Variants in CERT1 observed in about 807,000 individuals in gnomAD.
The protein encoded by CERT1 is ceramide transfer protein.
In CERT1, 31 loss-of-function variants were observed where a neutral mutation model predicts 87.9. That is an observed-to-expected ratio of 0.35 (90% CI 0.27 to 0.48). CERT1 has a LOEUF of 0.48. Ranked by LOEUF, CERT1 falls within the 20% of genes least tolerant of loss-of-function variation. The probability of loss-of-function intolerance (pLI) is 0.99; values close to 1 mark genes in which losing one functional copy is unlikely to be tolerated. For missense variants in CERT1, 487 were observed against 758.0 expected (o/e 0.64, Z 4.20); for synonymous variants, 289 against 250.9 (o/e 1.15, Z -1.44).
intron 15 of CERT1, among the ~76,000 whole-genome samples, chr5:75,381,733 G>A (rs1367515829): frequency 6.6e-6 from 1 of 151,992 alleles, no homozygotes; most frequent in Non-Finnish European, 1.5e-5. Flanking sequence ...AACATTAGAA[G>A]GAAAGGTAAA....
Position 75,377,793 on chromosome 5 carries a change from G to C in CERT1, c.*1553C>G. On this transcript the variant is annotated 3_prime_UTR_variant, in exon 17 of 17. Coordinates refer to ENST00000643780, the MANE Select transcript of CERT1 (RefSeq NM_001379029.1). ...TACTGTATAACTTTTTCATACTTTT[G>C]ACTTTATTTATTTATTTTTTGACAG... 6.6e-6 allele frequency: 1 copy of C among 152,184 alleles called. No homozygotes were observed. The highest frequency in any genetic ancestry group is 1.5e-5 in the Non-Finnish European group (1 of 67,994). The allele number at this position is 152,184 out of a possible 1,614,324, so 9.4% of individuals were successfully genotyped here. A position where few individuals can be genotyped will look rare whatever the true frequency, so the allele number is the denominator to read the frequency against.
intron 11 of CERT1, among the ~76,000 whole-genome samples, chr5:75,394,317 A>G (rs1040465585): frequency 6.6e-6 from 1 of 151,956 alleles, no homozygotes; most frequent in African/African-American, 2.4e-5. Context: ...AGACCAGCCT[A>G]GGCAACACAG....
intron 8 of CERT1, among the ~76,000 whole-genome samples, chr5:75,403,860 T>A (rs927534297): frequency 6.6e-6 from 1 of 152,202 alleles, no homozygotes. Context: ...TTCCCTCAAG[T>A]GATTCCCATG....
chr5:75,446,578 T>C (rs1463039643), intron 3 of CERT1, among the ~76,000 whole-genome samples: 2 of 152,238 alleles, frequency 1.3e-5, no homozygotes, highest in Non-Finnish European at 2.9e-5. Flanking sequence ...TTGTGTTTTT[T>C]TGTTGAAAAC....
chr5:75,435,140 A>C (rs956990817), intron 3 of CERT1, among the ~76,000 whole-genome samples: 9 of 152,262 alleles, frequency 5.9e-5, no homozygotes, highest in Admixed American at 3.9e-4. Flanking sequence ...TTAAAATTCT[A>C]TCTCTTTTAT....
intron 3 of CERT1, among the ~76,000 whole-genome samples, chr5:75,448,649 G>A (rs1049962753): frequency 3.3e-5 from 5 of 152,116 alleles, no homozygotes; most frequent in Admixed American, 6.6e-5. Flanking sequence ...ATATGTATAA[G>A]CCATGTCTCC....
rs371200608 is a variant in CERT1 at position 75,409,687 on chromosome 5, C to T, written c.930+1324G>A. 1.4e-3 allele frequency among the ~76,000 whole-genome samples: 207 copies of T among 152,094 alleles called. 1 individual carries two copies. Among genetic ancestry groups the T allele is most frequent in the African/African-American group, 4.8e-3 (200 of 41,492 alleles). On this transcript the variant is annotated intron_variant, in intron 8 of 16. Coordinates refer to ENST00000643780, the MANE Select transcript of CERT1 (RefSeq NM_001379029.1). ...GACAACAGGCACTCACAACCACGCC[C>T]GGCTAATTTTTGCATTTTTTTAGTA...
intron 3 of CERT1, among the ~76,000 whole-genome samples, chr5:75,434,226 C>A (rs1193397362): frequency 9.5e-5 from 12 of 126,972 alleles, no homozygotes; most frequent in Admixed American, 8.5e-4. Context: ...GATGTTTAAT[C>A]TAAGGCCTTT....
intron 11 of CERT1, among the ~76,000 whole-genome samples, chr5:75,395,250 A>G (rs966210900): frequency 9.2e-5 from 14 of 152,252 alleles, no homozygotes; most frequent in Admixed American, 9.2e-4. Context: ...AACTGTGAAC[A>G]AAATGATCAA....
chr5:75,475,351 C>A (rs1389101341), intron 2 of CERT1, among the ~76,000 whole-genome samples: 3 of 152,098 alleles, frequency 2.0e-5, no homozygotes, highest in Non-Finnish European at 2.9e-5. Context: ...CTTTTAGTGA[C>A]CAGTAGCACC....
chr5:75,471,754 C>CAAAA (rs796209502), intron 2 of CERT1, among the ~76,000 whole-genome samples: 17 of 50,700 alleles, frequency 3.4e-4, no homozygotes, highest in African/African-American at 5.8e-4. Flanking sequence ...GACTTCATCT[C>CAAAA]AAAAAAAAAA....
chr5:75,483,164 C>T (rs1291391923), intron 2 of CERT1, among the ~76,000 whole-genome samples: 3 of 152,020 alleles, frequency 2.0e-5, no homozygotes, highest in African/African-American at 7.3e-5. Context: ...AATTCAGACT[C>T]CTATCTGAAT....
intron 2 of CERT1, among the ~76,000 whole-genome samples, chr5:75,476,264 C>T (rs1765948701): frequency 6.6e-6 from 1 of 151,730 alleles, no homozygotes; most frequent in Admixed American, 6.6e-5. Context: ...ATTTGTAACA[C>T]TGGGCTTCAG....
chr5:75,504,436 C>T (rs1004207558), intron 2 of CERT1, among the ~76,000 whole-genome samples: 1 of 152,048 alleles, frequency 6.6e-6, no homozygotes, highest in Non-Finnish European at 1.5e-5. Context: ...ATATTCAATT[C>T]TAAACTTTTG....
At chr5:75,373,895 G>C (rs1263829923), downstream of CERT1, 2 of 393,422 alleles carry the variant, frequency 5.1e-6, no homozygotes, top group East Asian at 3.6e-5. Flanking sequence ...TCAATTCCTA[G>C]TTGTGATTCA....
chr5:75,380,602 G>GA (rs1761530819), intron 16 of CERT1, among the ~76,000 whole-genome samples: 1 of 151,704 alleles, frequency 6.6e-6, no homozygotes, highest in Non-Finnish European at 1.5e-5. Flanking sequence ...GCCTGGCCAA[G>GA]ATGGTGAAAC....
At chr5:75,489,573 G>A (rs1222066323) in intron 2 of CERT1, among the ~76,000 whole-genome samples, 4 of 151,936 alleles carry the variant, frequency 2.6e-5, no homozygotes, top group South Asian at 2.1e-4. Context: ...AAAAATGGAC[G>A]ATGGATATGA....
At chr5:75,480,888 C>T (rs1766209848) in intron 2 of CERT1, among the ~76,000 whole-genome samples, 1 of 152,164 alleles carries the variant, frequency 6.6e-6, no homozygotes, top group Non-Finnish European at 1.5e-5. Flanking sequence ...TAACTCTGGT[C>T]CCAGCCACCA....
At chr5:75,448,485 A>G (rs1764644806) in intron 3 of CERT1, among the ~76,000 whole-genome samples, 1 of 152,212 alleles carries the variant, frequency 6.6e-6, no homozygotes, top group African/African-American at 2.4e-5. Context: ...AATATGTACC[A>G]AGCAATAACG....
Sources: gnomAD v4.1 joint callset for allele counts (sites outside exome capture counted in the v4.1 genomes callset) on GRCh38, gnomAD v4.1.1 for gene constraint, MANE v1.5 for transcripts, NCBI Gene and HGNC (gene_info 2026-07-23, HGNC 2026-07-21) for gene names.